USP25: variants seen among roughly 807,000 people sequenced by gnomAD.
USP25 encodes ubiquitin carboxyl-terminal hydrolase 25.
A neutral mutation model predicts 158.5 loss-of-function variants in USP25; 85 were observed. The ratio of observed to expected loss-of-function variants is 0.54; its 90% confidence interval spans 0.45 to 0.64. The LOEUF is 0.64. Ranked by LOEUF, USP25 falls within the 30% of genes least tolerant of loss-of-function variation. The pLI is 0.00. For missense variants in USP25, 1,242 were observed against 1,327.3 expected, an observed-to-expected ratio of 0.94 and a Z score of 1.00; for synonymous variants, 464 against 460.4, an observed-to-expected ratio of 1.01 and a Z score of -0.10.
At chr21:15,797,536 A>C (rs1468575383) in intron 5 of USP25, among the ~76,000 whole-genome samples, 1 of 151,216 alleles carries the variant, frequency 6.6e-6, no homozygotes, top group East Asian at 1.9e-4. Flanking sequence ...AAGTCTTTAA[A>C]AATGAAGAAA....
At chr21:15,835,160 G>C (rs1345766085) in intron 17 of USP25, among the ~76,000 whole-genome samples, 1 of 152,178 alleles carries the variant, frequency 6.6e-6, no homozygotes, top group Non-Finnish European at 1.5e-5. Flanking sequence ...GCTGCATAGT[G>C]TACTATAAGC....
chr21:15,828,326 T>C (rs989380305), intron 14 of USP25, among the ~76,000 whole-genome samples: 4 of 152,228 alleles, frequency 2.6e-5, no homozygotes, highest in Non-Finnish European at 4.4e-5. Flanking sequence ...GGTAATTTTC[T>C]ACTCCTCATG....
chr21:15,747,861 A>T (rs748570925), intron 1 of USP25, among the ~76,000 whole-genome samples: 5 of 152,250 alleles, frequency 3.3e-5, no homozygotes, highest in Non-Finnish European at 7.3e-5. Context: ...GTGAAACGAG[A>T]TAAGGGGAAA....
At position 15,826,248 on chromosome 21, in the gene USP25, A is replaced by G; in HGVS notation, c.1349A>G (p.Asp450Gly). 1 of 1,614,046 alleles carries G rather than the reference A, an allele frequency of 6.2e-7. No individual in the cohort carries two copies. The highest frequency in any genetic ancestry group is 8.5e-7 in the Non-Finnish European group (1 of 1,179,952). The change falls in exon 13 of 26, where the codon GAT becomes GGT. Residue 450 changes from aspartate to glycine, a missense_variant. By Grantham distance (94) the Asp-to-Gly change is moderately conservative. Coordinates refer to ENST00000400183, the MANE Select transcript of USP25 (RefSeq NM_001283041.3). This position sits in a 1 kb window ranked among gnomAD's most constrained non-coding sequence, Gnocchi z 4.8. The part of the protein sequence containing the change: ...GSGPKRFPLV[D>G]VLQYALEFAS... ...GGTCCCAAACGATTCCCCTTGGTAG[A>G]TGTTCTTCAGTATGCATTGGAATTT...
rs527539159 is a variant in USP25 at position 15,736,155 on chromosome 21, T to C, written c.45+5717T>C. Among the ~76,000 whole-genome samples the C allele has an allele frequency of 9.2e-5, 14 of 152,080 alleles. No individual in the cohort carries two copies. The East Asian group carries it at 1.9e-3, about 21-fold the overall frequency. ...CTCTCTCACCCAAGCTGGAGTGCAATGGTGCAATCTCAGCTCACTGCAACT... is the reference window on the plus strand; with the variant it reads ...CTCTCTCACCCAAGCTGGAGTGCAACGGTGCAATCTCAGCTCACTGCAACT... On this transcript the variant is annotated intron_variant, in intron 1 of 25. Transcript: ENST00000400183.
At chr21:15,739,963 C>A (rs1418807765) in intron 1 of USP25, among the ~76,000 whole-genome samples, 1 of 152,106 alleles carries the variant, frequency 6.6e-6, no homozygotes, top group African/African-American at 2.4e-5. Context: ...CTCTTTTTTG[C>A]CCCTTGATTA....
At chr21:15,763,655 G>A (rs533375158) in intron 2 of USP25, among the ~76,000 whole-genome samples, 6 of 152,212 alleles carry the variant, frequency 3.9e-5, no homozygotes, top group Admixed American at 3.3e-4. Context: ...AAACAATATA[G>A]CATTTTTGCC....
chr21:15,836,145 T>A (rs902007332), intron 17 of USP25, among the ~76,000 whole-genome samples: 31 of 152,278 alleles, frequency 2.0e-4, no homozygotes, highest in Admixed American at 1.9e-3. Context: ...GTGGAAATAA[T>A]AAAAGGAAAT....
chr21:15,861,883 AC>A (rs1392001429), intron 20 of USP25, among the ~76,000 whole-genome samples: 1 of 152,150 alleles, frequency 6.6e-6, no homozygotes, highest in Non-Finnish European at 1.5e-5. Flanking sequence ...GCTGGTTTAA[AC>A]ACCTATATAC....
At chr21:15,853,497 A>G (rs1408887604) in intron 20 of USP25, among the ~76,000 whole-genome samples, 2 of 152,184 alleles carry the variant, frequency 1.3e-5, no homozygotes, top group Non-Finnish European at 2.9e-5. Context: ...ACTTTTTCTT[A>G]AACAGGTTTT....
At chr21:15,787,772 A>G (rs1334510226) in intron 4 of USP25, among the ~76,000 whole-genome samples, 2 of 151,628 alleles carry the variant, frequency 1.3e-5, no homozygotes, top group East Asian at 1.9e-4. Context: ...CTTAAAGTGT[A>G]TGCATGTTTC....
chr21:15,864,640 T>G (rs538984914), intron 21 of USP25, among the ~76,000 whole-genome samples, 194 bp downstream of exon 21: 25 of 152,292 alleles, frequency 1.6e-4, no homozygotes, highest in African/African-American at 5.5e-4. Context: ...TGAAAATAAC[T>G]TAGATCATTT....
intron 1 of USP25, among the ~76,000 whole-genome samples, chr21:15,756,025 C>A (rs2033349974): frequency 6.6e-6 from 1 of 152,104 alleles, no homozygotes; most frequent in Admixed American, 6.6e-5. Context: ...AACTGTACTG[C>A]AAACAAAAGT....
intron 17 of USP25, among the ~76,000 whole-genome samples, chr21:15,842,098 G>A (rs1027658306): frequency 6.6e-6 from 1 of 152,080 alleles, no homozygotes; most frequent in Non-Finnish European, 1.5e-5. Flanking sequence ...TAAAATGCTG[G>A]CAATTTTCCA....
Position 15,833,537 on chromosome 21 carries a change from CT to C in USP25, c.2184del (p.Val729Ter). 1.2e-6 allele frequency: 2 copies of C among 1,613,282 alleles called. No homozygotes were observed. Among genetic ancestry groups the C allele is most frequent in the Non-Finnish European group, 1.7e-6 (2 of 1,179,640 alleles). On this transcript the variant is annotated frameshift_variant, in exon 17 of 26. Coordinates refer to ENST00000400183, the MANE Select transcript of USP25 (RefSeq NM_001283041.3). LOFTEE classifies it high-confidence loss of function. ...CAGAAATTGAGAGAGTCAGAGACTT[CT>C]GTGACAACAGGTTTGTCCATTTTTA... The part of the protein sequence containing the change: ...ASQKLRESET[S>X]VTTAQAAGDP...
In USP25 at chr21:15,793,912, G is replaced by A. The variant is rs1487733127; in HGVS notation, c.555+2248G>A. 2.6e-5 allele frequency among the ~76,000 whole-genome samples: 4 copies of A among 151,636 alleles called. No homozygotes were observed. The South Asian group carries it at 8.3e-4, about 31-fold the overall frequency. ...ATTGCTTAACTCTAAGCTATAAACT[G>A]AGATATAATACTTGGCCATCATAAA... On this transcript the variant is annotated intron_variant, in intron 5 of 25. Transcript: ENST00000400183.
chr21:15,872,034 TTTTTTTA>T (rs1456898158), intron 23 of USP25, among the ~76,000 whole-genome samples: 2 of 146,522 alleles, frequency 1.4e-5, no homozygotes, highest in Admixed American at 6.8e-5. Context: ...TTTTTTTTTT[TTTTTTTA>T]CTTTAAATCT....
intron 20 of USP25, among the ~76,000 whole-genome samples, chr21:15,853,680 G>A (rs182855575): frequency 7.6e-4 from 116 of 151,768 alleles, no homozygotes; most frequent in African/African-American, 2.7e-3. Context: ...ATTTTATTTG[G>A]GCTTTCTGCG....
At position 15,816,723 on chromosome 21, in the gene USP25, C is replaced by G. The variant is rs1363935794; in HGVS notation, c.932-1975C>G. Among the ~76,000 whole-genome samples the G allele has an allele frequency of 6.6e-6, 1 of 152,038 alleles. No homozygotes were observed. Among genetic ancestry groups the G allele is most frequent in the Non-Finnish European group, 1.5e-5 (1 of 68,010 alleles). ...TTAATCTTAGTTACAGATTCATATT[C>G]AACTGTCTTCTCAAATTGAAATCTC... On this transcript the variant is annotated intron_variant, in intron 9 of 25. Coordinates refer to ENST00000400183, the MANE Select transcript of USP25 (RefSeq NM_001283041.3). This position sits in a 1 kb window ranked among gnomAD's most constrained non-coding sequence, Gnocchi z 4.0.
Sources: gnomAD v4.1 joint callset for allele counts (sites outside exome capture counted in the v4.1 genomes callset) on GRCh38, gnomAD v4.1.1 for gene constraint, Gnocchi (gnomAD v3.1) non-coding constraint, MANE v1.5 for transcripts, NCBI Gene and HGNC (gene_info 2026-07-23, HGNC 2026-07-21) for gene names.